Variants in UPF1 observed in about 807,000 individuals in gnomAD.
UPF1 encodes regulator of nonsense transcripts 1.
In UPF1, 9 loss-of-function variants were observed where a neutral mutation model predicts 129.2. The ratio of observed to expected loss-of-function variants is 0.07; its 90% CI spans 0.04 to 0.12. The LOEUF (loss-of-function observed/expected upper bound fraction) is 0.12, where lower values mean the gene tolerates loss of function less well. Ranked by LOEUF, UPF1 falls within the 10% of genes least tolerant of loss-of-function variation. The pLI is 1.00. For missense variants in UPF1, 788 were observed against 1,525.3 expected (o/e 0.52, Z 8.05); for synonymous variants, 649 against 644.9 (o/e 1.01, Z -0.10).
At chr19:18,846,216 C>G in intron 2 of UPF1, 97 bp downstream of exon 2, 2 of 1,539,040 alleles carry the variant, frequency 1.3e-6, no homozygotes, top group Admixed American at 1.9e-5. Flanking sequence ...GGGTGGCGCC[C>G]TTGTGCTGTG....
chr19:18,865,473 G>A lies in UPF1; in HGVS notation c.3019+23G>A. The A allele has an allele frequency of 6.2e-7, 1 of 1,611,834 alleles. No individual in the cohort carries two copies. The highest frequency in any genetic ancestry group is 8.5e-7 in the Non-Finnish European group (1 of 1,178,256). ...CAGGTGAGCATCTGTGGCTGCGGCTGGGTGTGGCCCTCCTGAGAGCTCTTG... is the reference window on the plus strand; with the variant it reads ...CAGGTGAGCATCTGTGGCTGCGGCTAGGTGTGGCCCTCCTGAGAGCTCTTG... On this transcript the variant is annotated intron_variant, in intron 21 of 23. Coordinates refer to ENST00000262803, the MANE Select transcript of UPF1 (RefSeq NM_002911.4). The surrounding 1 kb of genome is among the most constrained non-coding windows in gnomAD (Gnocchi z 6.1).
chr19:18,864,573 A>G (rs1194333968), intron 20 of UPF1, among the ~76,000 whole-genome samples: 1 of 151,980 alleles, frequency 6.6e-6, no homozygotes, highest in African/African-American at 2.4e-5. Context: ...TGGTAAATGC[A>G]GGGTGATTTT....
chr19:18,836,718 A>G (rs1247993068), intron 1 of UPF1, among the ~76,000 whole-genome samples: 2 of 152,098 alleles, frequency 1.3e-5, no homozygotes, highest in Non-Finnish European at 2.9e-5. Context: ...GAAACTGGAA[A>G]GAAAAGTCAG....
chr19:18,834,691 G>A (rs2055465050), intron 1 of UPF1, among the ~76,000 whole-genome samples: 1 of 152,140 alleles, frequency 6.6e-6, no homozygotes, highest in South Asian at 2.1e-4. Context: ...GGAATTTGGG[G>A]GCAAGGAAGT....
chr19:18,844,117 G>A (rs566775246), intron 1 of UPF1, among the ~76,000 whole-genome samples: 18 of 152,186 alleles, frequency 1.2e-4, no homozygotes, highest in African/African-American at 4.1e-4. Flanking sequence ...CCCCTGTACA[G>A]CTCTTAGATG....
chr19:18,855,132 C>T lies in UPF1; in HGVS notation c.1434C>T (p.Ala478=), dbSNP rs1051253626. ...LPDLNHSQVY[A]VKTVLQRPLS... Reference sequence around the variant, plus strand: ...GGCCGCTTGTATTGAAGGTTTATGCCGTGAAGACTGTGCTGCAAAGACCAC... The same window carrying T: ...GGCCGCTTGTATTGAAGGTTTATGCTGTGAAGACTGTGCTGCAAAGACCAC... The change falls in exon 11 of 24, where the codon GCC becomes GCT. Residue 478 remains alanine, a synonymous_variant. Coordinates refer to ENST00000262803, the MANE Select transcript of UPF1 (RefSeq NM_002911.4). The T allele has an allele frequency of 2.1e-5, 34 of 1,613,854 alleles. No individual in the cohort carries two copies. In the African/African-American group the frequency reaches 2.1e-4, roughly 10 times the overall value.
intron 6 of UPF1, among the ~76,000 whole-genome samples, 162 bp downstream of exon 6, chr19:18,852,458 G>A (rs573651452): frequency 3.3e-5 from 5 of 152,260 alleles, no homozygotes; most frequent in African/African-American, 9.6e-5. Context: ...CTGGCAGCCC[G>A]GTGGTCTGAG....
At chr19:18,834,554 C>T (rs1443428263) in intron 1 of UPF1, among the ~76,000 whole-genome samples, 2 of 152,100 alleles carry the variant, frequency 1.3e-5, no homozygotes, top group Admixed American at 6.6e-5. Context: ...AGAATTCTGA[C>T]GACATCAGAG....
chr19:18,845,269 G>C (rs1381804526), intron 1 of UPF1, among the ~76,000 whole-genome samples: 1 of 152,246 alleles, frequency 6.6e-6, no homozygotes, highest in Non-Finnish European at 1.5e-5. Context: ...GGCCATGCCA[G>C]GGACTGTTGG....
At chr19:18,835,853 T>A (rs778033036) in intron 1 of UPF1, among the ~76,000 whole-genome samples, 1 of 152,194 alleles carries the variant, frequency 6.6e-6, no homozygotes, top group Non-Finnish European at 1.5e-5. Context: ...AACCTTGGGT[T>A]TAATGGTTTC....
intron 15 of UPF1, among the ~76,000 whole-genome samples, chr19:18,858,527 C>G (rs1295902708): frequency 3.3e-5 from 5 of 152,082 alleles, no homozygotes; most frequent in Admixed American, 2.6e-4. Flanking sequence ...CACAGGCCTG[C>G]AGAAACCCAC....
chr19:18,834,275 A>G (rs2055460095), intron 1 of UPF1, among the ~76,000 whole-genome samples: 1 of 152,218 alleles, frequency 6.6e-6, no homozygotes, highest in African/African-American at 2.4e-5. Flanking sequence ...CATGAGCGTG[A>G]CAGCGCGGAT....
intron 2 of UPF1, 66 bp from the exon 3 acceptor site, chr19:18,847,678 C>T (rs2145946680): frequency 6.7e-7 from 1 of 1,486,338 alleles, no homozygotes; most frequent in Non-Finnish European, 9.4e-7. Flanking sequence ...AAGAATTTCA[C>T]ATCTTGCCAA....
At chr19:18,848,949 AG>A (rs967070268) in intron 3 of UPF1, 1 of 152,282 alleles carries the variant, frequency 6.6e-6, no homozygotes, top group Non-Finnish European at 1.5e-5. Flanking sequence ...AGCCAAGAAC[AG>A]GGAAGTGAGC....
At chr19:18,835,087 C>T (rs1292820064) in intron 1 of UPF1, among the ~76,000 whole-genome samples, 2 of 152,150 alleles carry the variant, frequency 1.3e-5, no homozygotes, top group East Asian at 1.9e-4. Context: ...AAACCCTGCA[C>T]CCCTTAGCCC....
chr19:18,854,448 G>T (rs1457329746), intron 8 of UPF1, among the ~76,000 whole-genome samples, 153 bp from the exon 9 acceptor site: 1 of 152,238 alleles, frequency 6.6e-6, no homozygotes, highest in Non-Finnish European at 1.5e-5. Flanking sequence ...CTCTGGTCTG[G>T]TGTTGGCTGC....
rs746222060 is a variant in UPF1 at position 18,855,044 on chromosome 19, C to T, written c.1425+6C>T. 11 of 1,613,470 alleles carry T rather than the reference C, an allele frequency of 6.8e-6. No individual in the cohort carries two copies. Among genetic ancestry groups the T allele is most frequent in the South Asian group, 1.1e-5 (1 of 91,062 alleles). On this transcript the variant is annotated splice_donor_region_variant and intron_variant, in intron 10 of 23. Coordinates refer to ENST00000262803, the MANE Select transcript of UPF1 (RefSeq NM_002911.4). ...CCGACCTCAACCACTCCCAGGTGCGCGCCGTCCTCAGCGCGCGGGGCCTCG... is the reference window on the plus strand; with the variant it reads ...CCGACCTCAACCACTCCCAGGTGCGTGCCGTCCTCAGCGCGCGGGGCCTCG...
At chr19:18,840,831 C>G (rs1164087100) in intron 1 of UPF1, among the ~76,000 whole-genome samples, 1 of 152,128 alleles carries the variant, frequency 6.6e-6, no homozygotes, top group Non-Finnish European at 1.5e-5. Context: ...CTGTGTTGGT[C>G]GAATAGCAGC....
chr19:18,850,007 GC>G lies in UPF1; in HGVS notation c.462-65del. On this transcript the variant is annotated intron_variant, in intron 3 of 23. Transcript: ENST00000262803. This position sits in a 1 kb window ranked among gnomAD's most constrained non-coding sequence, Gnocchi z 7.1. The stretch of plus-strand genomic sequence containing the variant: ...AACGGTACCGGAACTTTTAACAGGG[GC>G]CCGAAAATTGGAAGTGGTGAAAAGC... 1 of 1,594,268 alleles carries G rather than the reference GC, an allele frequency of 6.3e-7. No individual in the cohort carries two copies. The highest frequency in any genetic ancestry group is 8.6e-7 in the Non-Finnish European group (1 of 1,165,738).
Sources: allele counts gnomAD v4.1 joint callset (sites outside exome capture counted in the v4.1 genomes callset), GRCh38; gene constraint gnomAD v4.1.1; non-coding constraint Gnocchi (gnomAD v3.1); transcripts MANE v1.5; gene names NCBI Gene and HGNC (gene_info 2026-07-23, HGNC 2026-07-21).